Variants in LRRC4C observed in about 807,000 individuals in gnomAD.
LRRC4C encodes leucine-rich repeat-containing protein 4C.
A neutral mutation model predicts 33.6 loss-of-function variants in LRRC4C; 5 were observed. The observed-to-expected ratio is 0.15, with a 90% CI of 0.08 to 0.31. The LOEUF is 0.31. LRRC4C is among the 10% of genes least tolerant of loss of function. The probability of loss-of-function intolerance (pLI) is 1.00; values close to 1 mark genes in which losing one functional copy is unlikely to be tolerated. For synonymous variants in LRRC4C, 329 were observed against 302.0 expected, an observed-to-expected ratio of 1.09 and a Z score of -0.93; for missense variants, 560 against 796.7, an observed-to-expected ratio of 0.70 and a Z score of 3.58.
chr11:41,300,391 T>C (rs549179477), intron 1 of LRRC4C, among the ~76,000 whole-genome samples: 1 of 151,944 alleles, frequency 6.6e-6, no homozygotes, highest in Non-Finnish European at 1.5e-5. Flanking sequence ...CTGTGTTTTC[T>C]TTTGCTTAGG....
chr11:40,336,790 C>A (rs542705594), intron 3 of LRRC4C, among the ~76,000 whole-genome samples: 1 of 152,030 alleles, frequency 6.6e-6, no homozygotes, highest in East Asian at 1.9e-4. Flanking sequence ...TCCTGGCTAA[C>A]ACGGTGAAAC....
chr11:40,353,115 TC>T (rs1947490766), intron 3 of LRRC4C, among the ~76,000 whole-genome samples: 1 of 152,206 alleles, frequency 6.6e-6, no homozygotes. Flanking sequence ...AATATTAATA[TC>T]TTTCTCTAGG....
In LRRC4C at chr11:40,358,787, C is replaced by A. The variant is rs553933855; in HGVS notation, c.-269-39066G>T. ...CTTCCCTTTCTGAAAACCCTCTATG[C>A]TCCTGTTTTTGATAGTAATCATCCT... On this transcript the variant is annotated intron_variant, in intron 3 of 6. Coordinates refer to ENST00000528697, the MANE Select transcript of LRRC4C (RefSeq NM_001258419.2). Among the ~76,000 whole-genome samples the A allele has an allele frequency of 2.0e-5, 3 of 152,224 alleles. 1 individual carries two copies. In the South Asian group the frequency reaches 6.2e-4, roughly 32 times the overall value.
chr11:40,269,852 A>G (rs1261548877), intron 4 of LRRC4C, among the ~76,000 whole-genome samples: 1 of 152,176 alleles, frequency 6.6e-6, no homozygotes, highest in Non-Finnish European at 1.5e-5. Flanking sequence ...TATTTGAGAC[A>G]GATCCTAAAA....
intron 1 of LRRC4C, among the ~76,000 whole-genome samples, chr11:41,139,919 A>C (rs1040839136): frequency 2.6e-4 from 39 of 152,278 alleles, no homozygotes; most frequent in African/African-American, 8.7e-4. Context: ...CCTTGCTCTA[A>C]GAAAACACTT....
chr11:40,833,576 A>G (rs1952517666), intron 2 of LRRC4C, among the ~76,000 whole-genome samples: 1 of 152,068 alleles, frequency 6.6e-6, no homozygotes, highest in Admixed American at 6.6e-5. Context: ...CAAGGACCAC[A>G]TGTGACTACT....
At chr11:40,346,416 A>C (rs1458712099) in intron 3 of LRRC4C, among the ~76,000 whole-genome samples, 3 of 152,184 alleles carry the variant, frequency 2.0e-5, no homozygotes, top group Non-Finnish European at 2.9e-5. Flanking sequence ...AGAAGGAGCT[A>C]GAGGCCATTA....
intron 5 of LRRC4C, among the ~76,000 whole-genome samples, chr11:40,219,858 G>T (rs147917223): frequency 2.4e-4 from 36 of 152,196 alleles, no homozygotes; most frequent in African/African-American, 8.4e-4. Context: ...ACTGTATATA[G>T]TATTCATGCT....
chr11:40,820,632 A>G (rs531484518), intron 2 of LRRC4C, among the ~76,000 whole-genome samples: 5 of 152,078 alleles, frequency 3.3e-5, no homozygotes, highest in African/African-American at 1.2e-4. Context: ...AGCATTTAAC[A>G]ATATCTAACA....
intron 3 of LRRC4C, among the ~76,000 whole-genome samples, chr11:40,365,616 G>A (rs1948174355): frequency 6.6e-6 from 1 of 151,642 alleles, no homozygotes; most frequent in South Asian, 2.1e-4. Flanking sequence ...AACAAGAGGT[G>A]AGGGCTAAAC....
intron 1 of LRRC4C, among the ~76,000 whole-genome samples, chr11:41,243,421 G>A (rs1948329924): frequency 6.6e-6 from 1 of 152,030 alleles, no homozygotes; most frequent in South Asian, 2.1e-4. Context: ...TGCTATCTGT[G>A]GCAGACACTC....
intron 2 of LRRC4C, among the ~76,000 whole-genome samples, chr11:40,796,369 C>T (rs938447533): frequency 3.3e-5 from 5 of 152,066 alleles, no homozygotes; most frequent in Non-Finnish European, 7.4e-5. Context: ...TATAAATCCA[C>T]CTAAGGACAG....
chr11:40,465,684 GC>G (rs1441131908), intron 3 of LRRC4C, among the ~76,000 whole-genome samples: 1 of 151,946 alleles, frequency 6.6e-6, no homozygotes, highest in Non-Finnish European at 1.5e-5. Context: ...TGATGAACAA[GC>G]TTATGAATAA....
chr11:41,071,178 A>C (rs1938650692), intron 1 of LRRC4C, among the ~76,000 whole-genome samples: 1 of 152,214 alleles, frequency 6.6e-6, no homozygotes, highest in South Asian at 2.1e-4. Context: ...ACATGTTCTC[A>C]CTCATGTTAG....
chr11:40,134,524 G>T (rs1368275069), intron 6 of LRRC4C, among the ~76,000 whole-genome samples: 1 of 152,134 alleles, frequency 6.6e-6, no homozygotes, highest in Non-Finnish European at 1.5e-5. Flanking sequence ...AGGCAAAACT[G>T]GAAGGGAAAA....
At chr11:41,222,165 C>T (rs749984329) in intron 1 of LRRC4C, among the ~76,000 whole-genome samples, 8 of 152,128 alleles carry the variant, frequency 5.3e-5, no homozygotes, top group African/African-American at 1.2e-4. Flanking sequence ...CTGTAGATTA[C>T]GATTCTACTT....
intron 1 of LRRC4C, among the ~76,000 whole-genome samples, chr11:41,297,224 G>T (rs1162482426): frequency 3.3e-5 from 5 of 152,088 alleles, no homozygotes; most frequent in Non-Finnish European, 7.4e-5. Flanking sequence ...ATACACACCA[G>T]GAATAAACCC....
chr11:40,572,247 T>A (rs1958010629), intron 3 of LRRC4C, among the ~76,000 whole-genome samples: 1 of 152,168 alleles, frequency 6.6e-6, no homozygotes, highest in Non-Finnish European at 1.5e-5. Context: ...GTTGGGACTT[T>A]ATCACCAGCC....
intron 3 of LRRC4C, among the ~76,000 whole-genome samples, chr11:40,511,824 G>A (rs967781016): frequency 1.3e-5 from 2 of 152,106 alleles, no homozygotes; most frequent in African/African-American, 4.8e-5. Context: ...TTTTGAAGGG[G>A]GCTGAGGCCT....
Sources: allele counts gnomAD v4.1 joint callset (sites outside exome capture counted in the v4.1 genomes callset), GRCh38; gene constraint gnomAD v4.1.1; transcripts MANE v1.5; gene names NCBI Gene and HGNC (gene_info 2026-07-23, HGNC 2026-07-21).